QTMAN: variants seen among roughly 807,000 people sequenced by gnomAD.
QTMAN encodes the protein queuosine-tRNA mannosyltransferase, also known as tRNA-queuosine alpha-mannosyltransferase.
At chr2:144,075,982 C>T in the QTMAN span, among the ~76,000 whole-genome samples, 1 of 152,240 alleles carries the variant, frequency 6.6e-6, no homozygotes, top group Non-Finnish European at 1.5e-5. Flanking sequence ...GGTGCAGTGG[C>T]TCACGCCTGT....
the QTMAN span, among the ~76,000 whole-genome samples, chr2:144,082,927 C>A: frequency 6.6e-6 from 1 of 152,048 alleles, no homozygotes; most frequent in Non-Finnish European, 1.5e-5. Context: ...GGCACATGAT[C>A]ACACTCCTCA....
At chr2:143,991,723 C>T in the QTMAN span, among the ~76,000 whole-genome samples, 23 of 139,012 alleles carry the variant, frequency 1.7e-4, no homozygotes, top group Admixed American at 4.3e-4. Flanking sequence ...TCGCCCCGTC[C>T]GGGAGGGAGG....
At chr2:144,112,512 A>ATCTATTC in the QTMAN span, among the ~76,000 whole-genome samples, 1 of 152,218 alleles carries the variant, frequency 6.6e-6, no homozygotes, top group Admixed American at 6.5e-5. Flanking sequence ...CCCTAGAAAA[A>ATCTATTC]TCTATTCTCT....
At chr2:144,319,312 C>A in the QTMAN span, among the ~76,000 whole-genome samples, 1 of 152,124 alleles carries the variant, frequency 6.6e-6, no homozygotes, top group African/African-American at 2.4e-5. Flanking sequence ...AACACTTCCA[C>A]ATGAAAATCA....
At chr2:144,109,777 G>C in the QTMAN span, among the ~76,000 whole-genome samples, 1 of 151,832 alleles carries the variant, frequency 6.6e-6, no homozygotes, top group Admixed American at 6.6e-5. Flanking sequence ...GCAGCCAAAA[G>C]ACACATGAAA....
the QTMAN span, among the ~76,000 whole-genome samples, chr2:144,253,531 T>C: frequency 6.6e-6 from 1 of 152,082 alleles, no homozygotes; most frequent in South Asian, 2.1e-4. Context: ...GAAGTCCAGG[T>C]TGAGGTGGTC....
At chr2:144,140,108 T>C in the QTMAN span, among the ~76,000 whole-genome samples, 3 of 152,166 alleles carry the variant, frequency 2.0e-5, no homozygotes, top group Non-Finnish European at 4.4e-5. Flanking sequence ...TGAGTTTGGG[T>C]TGCATAAAGC....
At chr2:143,966,788 A>G in the QTMAN span, among the ~76,000 whole-genome samples, 1 of 152,266 alleles carries the variant, frequency 6.6e-6, no homozygotes, top group Non-Finnish European at 1.5e-5. Context: ...TTTTTGCTTG[A>G]AAACAATCAA....
chr2:144,070,262 A>G, the QTMAN span, among the ~76,000 whole-genome samples: 2 of 152,146 alleles, frequency 1.3e-5, no homozygotes, highest in African/African-American at 4.8e-5. Context: ...CAAATAAGTC[A>G]TTCTTCTAAA....
chr2:144,082,947 C>CAA, the QTMAN span, among the ~76,000 whole-genome samples: 1 of 152,068 alleles, frequency 6.6e-6, no homozygotes, highest in Admixed American at 6.6e-5. Context: ...AGGTTGGAGA[C>CAA]AGCTATGTTT....
chr2:143,944,860 G>A, the QTMAN span: 2 of 151,536 alleles, frequency 1.3e-5, no homozygotes, highest in South Asian at 4.2e-4. Context: ...TATTATATTT[G>A]CCTAAATCAG....
chr2:144,304,725 G>T, the QTMAN span, among the ~76,000 whole-genome samples: 2 of 152,154 alleles, frequency 1.3e-5, no homozygotes, highest in Admixed American at 6.5e-5. Flanking sequence ...GATTACAGAA[G>T]AATTTATTTC....
the QTMAN span, among the ~76,000 whole-genome samples, chr2:143,978,321 T>G: frequency 2.0e-5 from 3 of 152,230 alleles, no homozygotes; most frequent in Non-Finnish European, 4.4e-5. Context: ...CAGTTAAATC[T>G]TCCCACTCAT....
At chr2:143,987,954 T>G in the QTMAN span, among the ~76,000 whole-genome samples, 1 of 152,170 alleles carries the variant, frequency 6.6e-6, no homozygotes, top group African/African-American at 2.4e-5. Context: ...TACTCTTGAT[T>G]GGACACCCAA....
the QTMAN span, among the ~76,000 whole-genome samples, chr2:144,323,623 G>A: frequency 2.0e-5 from 3 of 152,086 alleles, no homozygotes; most frequent in African/African-American, 2.4e-5. Flanking sequence ...GGATTTGTAC[G>A]CCACAATTTG....
the QTMAN span, among the ~76,000 whole-genome samples, chr2:144,108,642 A>AAAACAAAAAAAAAGAAAACCCCATCAATT: frequency 1.5e-5 from 2 of 129,990 alleles, no homozygotes; most frequent in African/African-American, 5.6e-5. Context: ...TGTCTCAATT[A>AAAACAAAAAAAAAGAAAACCCCATCAATT]AAAAAAAAAA....
the QTMAN span, among the ~76,000 whole-genome samples, chr2:144,121,958 A>C: frequency 6.6e-6 from 1 of 152,238 alleles, no homozygotes; most frequent in African/African-American, 2.4e-5. Context: ...AGTAGGTAAA[A>C]AATAACAGCA....
the QTMAN span, among the ~76,000 whole-genome samples, chr2:144,265,766 CTTCCTTT>C: frequency 1.3e-5 from 2 of 152,176 alleles, no homozygotes; most frequent in Non-Finnish European, 2.9e-5. Context: ...ACCTCCTCCT[CTTCCTTT>C]AAGGTTACAG....
At chr2:144,115,083 T>C in the QTMAN span, among the ~76,000 whole-genome samples, 2 of 151,816 alleles carry the variant, frequency 1.3e-5, no homozygotes, top group East Asian at 3.9e-4. Flanking sequence ...ACAAAAAAAT[T>C]AGCCAGCTGT....
Sources: gnomAD v4.1 joint callset for allele counts (sites outside exome capture counted in the v4.1 genomes callset) on GRCh38, gnomAD v4.1.1 for gene constraint, MANE v1.5 for transcripts, NCBI Gene and HGNC (gene_info 2026-07-23, HGNC 2026-07-21) for gene names.